ASTN2: variants seen among roughly 807,000 people sequenced by gnomAD.
ASTN2 encodes astrotactin 2, also known as astrotactin-2.
In ASTN2, 54 loss-of-function variants were observed where a neutral mutation model predicts 139.8. That is an observed-to-expected ratio of 0.39 (90% confidence interval 0.31 to 0.48). The LOEUF (loss-of-function observed/expected upper bound fraction) is 0.48. Ranked by LOEUF, ASTN2 falls within the 20% of genes least tolerant of loss-of-function variation. The pLI is 0.95. For missense variants in ASTN2, 1,565 were observed against 1,725.1 expected (o/e 0.91, Z 1.64); for synonymous variants, 756 against 719.5 (o/e 1.05, Z -0.81).
intron 12 of ASTN2, among the ~76,000 whole-genome samples, chr9:116,809,383 C>G (rs887798267): frequency 6.6e-6 from 1 of 152,056 alleles, no homozygotes; most frequent in Non-Finnish European, 1.5e-5. Context: ...CACGTGCAAT[C>G]CCTACATATG....
At chr9:116,531,262 A>C (rs988513320) in intron 19 of ASTN2, among the ~76,000 whole-genome samples, 1 of 152,162 alleles carries the variant, frequency 6.6e-6, no homozygotes, top group Non-Finnish European at 1.5e-5. Flanking sequence ...ATTCGTATTT[A>C]TGTCTTAAAT....
At chr9:116,702,831 A>G (rs1827868143) in intron 16 of ASTN2, among the ~76,000 whole-genome samples, 1 of 152,118 alleles carries the variant, frequency 6.6e-6, no homozygotes, top group African/African-American at 2.4e-5. Flanking sequence ...TTTATTAACT[A>G]CCTACTGTGG....
intron 5 of ASTN2, among the ~76,000 whole-genome samples, chr9:117,095,372 C>T (rs1444410711): frequency 6.6e-6 from 1 of 152,182 alleles, no homozygotes; most frequent in Non-Finnish European, 1.5e-5. Flanking sequence ...AGGTTTTAGA[C>T]CTTTGTGGAG....
intron 2 of ASTN2, among the ~76,000 whole-genome samples, chr9:117,258,299 A>T (rs1450034904): frequency 3.9e-5 from 6 of 152,176 alleles, no homozygotes; most frequent in African/African-American, 1.4e-4. Context: ...GCGGGCATTA[A>T]TGTAGGCCAA....
chr9:116,509,371 G>T (rs1266663882), intron 19 of ASTN2, among the ~76,000 whole-genome samples: 2 of 152,122 alleles, frequency 1.3e-5, no homozygotes, highest in Non-Finnish European at 2.9e-5. Flanking sequence ...ATATTCCATG[G>T]TGTATATGTG....
At chr9:117,078,082 G>A (rs1193856203) in intron 5 of ASTN2, among the ~76,000 whole-genome samples, 1 of 152,054 alleles carries the variant, frequency 6.6e-6, no homozygotes, top group Admixed American at 6.6e-5. Context: ...TCCTTCCCAG[G>A]TGAGCTCCTC....
chr9:117,070,244 T>G (rs1217367649), intron 5 of ASTN2, among the ~76,000 whole-genome samples: 1 of 133,210 alleles, frequency 7.5e-6, no homozygotes, highest in East Asian at 2.3e-4. Flanking sequence ...GTCTGTAAAG[T>G]ATTTTATTTC....
In ASTN2 at chr9:116,425,147, A is replaced by C. The variant is rs1055159684; in HGVS notation, c.*704T>G. The C allele has an allele frequency of 5.2e-6, 1 of 192,898 alleles. No homozygotes were observed. The highest frequency in any genetic ancestry group is 2.4e-5 in the African/African-American group (1 of 41,768). 11.9% of individuals were successfully genotyped at this position (192,898 alleles called of 1,614,324 possible). ...TAGTTGCATATGCTCTGTGACTGGC[A>C]CAGGGTAGATACTCAATAAGTGAAT... is the stretch of plus-strand genomic sequence containing the variant. On this transcript the variant is annotated 3_prime_UTR_variant, in exon 23 of 23. Transcript: ENST00000313400.
At chr9:116,999,548 C>CTTTTTTTTTTTTT (rs71379248) in intron 7 of ASTN2, among the ~76,000 whole-genome samples, 3 of 94,960 alleles carry the variant, frequency 3.2e-5, no homozygotes, top group East Asian at 3.2e-4. Context: ...TTCTCTCTTT[C>CTTTTTTTTTTTTT]TTTTTTTTTT....
chr9:116,634,556 C>A (rs933912190), intron 17 of ASTN2, among the ~76,000 whole-genome samples: 4 of 149,026 alleles, frequency 2.7e-5, no homozygotes, highest in Non-Finnish European at 5.9e-5. Context: ...CGCCACTGCA[C>A]CCCAGCCTGG....
chr9:116,844,246 A>C (rs1832357179), intron 11 of ASTN2, among the ~76,000 whole-genome samples: 1 of 152,194 alleles, frequency 6.6e-6, no homozygotes, highest in Non-Finnish European at 1.5e-5. Context: ...CATCAGAAAG[A>C]ATCAGTTTTC....
intron 1 of ASTN2, among the ~76,000 whole-genome samples, chr9:117,413,442 C>A (rs1045559030): frequency 6.6e-6 from 1 of 152,248 alleles, no homozygotes; most frequent in Non-Finnish European, 1.5e-5. Context: ...CAGACTCCGA[C>A]AACCAATAAG....
chr9:116,489,267 AG>A (rs1564313610), intron 19 of ASTN2, among the ~76,000 whole-genome samples: 1 of 152,136 alleles, frequency 6.6e-6, no homozygotes, highest in Non-Finnish European at 1.5e-5. Context: ...CAGAATATAC[AG>A]ATCACTTCCT....
chr9:116,837,147 A>T (rs1034298197), intron 11 of ASTN2, among the ~76,000 whole-genome samples: 1 of 152,174 alleles, frequency 6.6e-6, no homozygotes, highest in Non-Finnish European at 1.5e-5. Flanking sequence ...AATTTCCTAG[A>T]GTCCACAAAA....
Position 117,016,659 on chromosome 9 carries a change from C to CATATATAGGTTA in ASTN2, c.1424-8401_1424-8400insTAACCTATATAT, listed in dbSNP as rs1564386100. On this transcript the variant is annotated intron_variant, in intron 6 of 22. Coordinates refer to ENST00000313400, the MANE Select transcript of ASTN2 (RefSeq NM_001365068.1). ...ATATATATATATATATATATATAAC[C>CATATATAGGTTA]TATATATATGTTACATATATATAGG... Among the ~76,000 whole-genome samples the CATATATAGGTTA allele has an allele frequency of 1.6e-3, 19 of 11,932 alleles. 2 individuals are homozygous for CATATATAGGTTA. Among genetic ancestry groups the CATATATAGGTTA allele is most frequent in the African/African-American group, 3.6e-3 (19 of 5,234 alleles). 7.8% of individuals were successfully genotyped at this position (11,932 alleles called of 152,430 possible). A position where few individuals can be genotyped will look rare whatever the true frequency, so the allele number is the denominator to read the frequency against.
chr9:116,725,747 C>A, intron 16 of ASTN2, 24 bp downstream of exon 16: 1 of 1,607,358 alleles, frequency 6.2e-7, no homozygotes, highest in Non-Finnish European at 8.5e-7. Context: ...TGGCCACCTC[C>A]TACAGTAGGC....
chr9:117,039,724 T>C (rs1294159431), intron 6 of ASTN2, 95 bp downstream of exon 6: 3 of 1,335,270 alleles, frequency 2.2e-6, no homozygotes, highest in Admixed American at 2.5e-5. Flanking sequence ...TATGTAATAG[T>C]AATTCTAAGG....
At chr9:116,481,889 G>T (rs1221430693) in intron 20 of ASTN2, among the ~76,000 whole-genome samples, 1 of 152,184 alleles carries the variant, frequency 6.6e-6, no homozygotes, top group African/African-American at 2.4e-5. Context: ...CACATGGGAG[G>T]AGGGGAGGAG....
At chr9:116,702,159 T>G (rs1827839894) in intron 16 of ASTN2, among the ~76,000 whole-genome samples, 1 of 152,122 alleles carries the variant, frequency 6.6e-6, no homozygotes, top group Admixed American at 6.5e-5. Context: ...CTTGGGCAAG[T>G]CATTTAACTC....
Sources: gnomAD v4.1 joint callset for allele counts (sites outside exome capture counted in the v4.1 genomes callset) on GRCh38, gnomAD v4.1.1 for gene constraint, MANE v1.5 for transcripts, NCBI Gene and HGNC (gene_info 2026-07-23, HGNC 2026-07-21) for gene names.